TDRD3: variants seen among roughly 807,000 people sequenced by gnomAD.
The protein encoded by TDRD3 is tudor domain-containing protein 3.
In TDRD3, 45 loss-of-function variants were observed where a neutral mutation model predicts 86.7. The observed-to-expected ratio is 0.52, with a 90% CI of 0.41 to 0.67. The LOEUF is 0.67. Ranked by LOEUF, TDRD3 falls within the 30% of genes least tolerant of loss-of-function variation. The pLI is 0.00. For missense variants in TDRD3, 814 were observed against 889.0 expected (o/e 0.92, Z 1.07); for synonymous variants, 298 against 301.7 (o/e 0.99, Z 0.13).
chr13:60,573,225 G>A (rs766357960), intron 13 of TDRD3, among the ~76,000 whole-genome samples: 2 of 152,154 alleles, frequency 1.3e-5, no homozygotes, highest in South Asian at 2.1e-4. Context: ...ATTCAGAGGC[G>A]TTCACAGAAG....
Position 60,569,593 on chromosome 13 carries a change from C to T in TDRD3, c.*9+1943C>T, listed in dbSNP as rs117044455. 3.7e-3 allele frequency among the ~76,000 whole-genome samples: 568 copies of T among 152,134 alleles called. 1 individual carries two copies. The highest frequency in any genetic ancestry group is 5.6e-3 in the Non-Finnish European group (380 of 67,994). On this transcript the variant is annotated intron_variant, in intron 13 of 13. Coordinates refer to ENST00000377881, the MANE Select transcript of TDRD3 (RefSeq NM_001146070.2). ...AAATAATTCTAAAATTTATATGGAA[C>T]CACAAAAGTCCCAGAAAAGCCAAAG...
chr13:60,430,945 C>T (rs533643408), intron 1 of TDRD3, among the ~76,000 whole-genome samples: 11 of 152,002 alleles, frequency 7.2e-5, no homozygotes, highest in African/African-American at 2.4e-4. Context: ...CTTTTTGTAA[C>T]TATTCTACAG....
intron 5 of TDRD3, among the ~76,000 whole-genome samples, chr13:60,481,112 G>T (rs956118559): frequency 6.6e-6 from 1 of 152,042 alleles, no homozygotes; most frequent in Non-Finnish European, 1.5e-5. Flanking sequence ...GGGCAGTGGG[G>T]GCTGCACTGC....
chr13:60,444,789 T>C (rs1955360903), intron 3 of TDRD3, 41 bp downstream of exon 3: 3 of 1,149,936 alleles, frequency 2.6e-6, no homozygotes, highest in Admixed American at 3.0e-5. Flanking sequence ...TTAATTTAGT[T>C]ACAATAAATA....
chr13:60,489,107 C>A (rs1427113263), intron 7 of TDRD3, among the ~76,000 whole-genome samples: 1 of 151,954 alleles, frequency 6.6e-6, no homozygotes, highest in Non-Finnish European at 1.5e-5. Context: ...TTTTTGAGGT[C>A]TTATCCAAAA....
At chr13:60,471,099 T>C (rs1956068706) in intron 5 of TDRD3, among the ~76,000 whole-genome samples, 1 of 152,198 alleles carries the variant, frequency 6.6e-6, no homozygotes, top group African/African-American at 2.4e-5. Flanking sequence ...GCAAATATTT[T>C]TCCCATCCCA....
intron 5 of TDRD3, among the ~76,000 whole-genome samples, chr13:60,469,041 G>A (rs1269712343): frequency 6.6e-6 from 1 of 152,046 alleles, no homozygotes; most frequent in African/African-American, 2.4e-5. Flanking sequence ...AGGACCTTAG[G>A]CACATTTTTA....
chr13:60,520,184 G>T (rs893469301), intron 10 of TDRD3, among the ~76,000 whole-genome samples: 3 of 152,038 alleles, frequency 2.0e-5, no homozygotes, highest in Non-Finnish European at 2.9e-5. Context: ...ATGAGAACAG[G>T]AAAACAATTG....
chr13:60,560,907 G>C (rs1958317119), intron 12 of TDRD3, among the ~76,000 whole-genome samples: 1 of 152,058 alleles, frequency 6.6e-6, no homozygotes, highest in Non-Finnish European at 1.5e-5. Context: ...ATAAGGTTTT[G>C]GATCTGATTT....
At chr13:60,397,064 G>A (rs1415124454), upstream of TDRD3, 4 of 302,680 alleles carry the variant, frequency 1.3e-5, no homozygotes, top group Non-Finnish European at 2.4e-5. Flanking sequence ...TCGGGGAAGA[G>A]GCAAAGTCCC....
chr13:60,451,719 A>G (rs181268503), intron 3 of TDRD3, among the ~76,000 whole-genome samples: 1 of 152,262 alleles, frequency 6.6e-6, no homozygotes, highest in Admixed American at 6.5e-5. Flanking sequence ...TGTATCAACT[A>G]TGTTACCTTC....
At chr13:60,411,486 C>T (rs969574024) in intron 1 of TDRD3, among the ~76,000 whole-genome samples, 3 of 152,082 alleles carry the variant, frequency 2.0e-5, no homozygotes, top group Non-Finnish European at 2.9e-5. Context: ...AGATTAAATA[C>T]GAAACTGGCC....
chr13:60,467,033 A>G (rs1308634014), intron 4 of TDRD3, among the ~76,000 whole-genome samples: 2 of 151,962 alleles, frequency 1.3e-5, no homozygotes, highest in Non-Finnish European at 2.9e-5. Flanking sequence ...CAGATTTGTT[A>G]CATAGGTGAT....
intron 2 of TDRD3, among the ~76,000 whole-genome samples, chr13:60,441,452 T>C (rs1955270143): frequency 6.6e-6 from 1 of 152,196 alleles, no homozygotes; most frequent in African/African-American, 2.4e-5. Flanking sequence ...AATATGTGGT[T>C]AAATACTGCA....
At chr13:60,467,113 T>C (rs1010033725) in intron 4 of TDRD3, 125 bp from the exon 5 acceptor site, 80 of 1,116,584 alleles carry the variant, frequency 7.2e-5, no homozygotes, top group Non-Finnish European at 9.8e-5. Flanking sequence ...GCATTAGCTG[T>C]TTTTCCTAAT....
intron 1 of TDRD3, among the ~76,000 whole-genome samples, chr13:60,433,850 G>C (rs536803099): frequency 6.6e-6 from 1 of 152,186 alleles, no homozygotes; most frequent in African/African-American, 2.4e-5. Context: ...TAGCCAGTGA[G>C]TAAGTTAGAT....
At chr13:60,404,563 G>T (rs1407481947) in intron 1 of TDRD3, among the ~76,000 whole-genome samples, 1 of 151,620 alleles carries the variant, frequency 6.6e-6, no homozygotes, top group East Asian at 2.0e-4. Flanking sequence ...GCCCGCCTCG[G>T]CCTCCCAAAG....
At chr13:60,515,010 C>T (rs1022280237) in intron 10 of TDRD3, among the ~76,000 whole-genome samples, 12 of 152,098 alleles carry the variant, frequency 7.9e-5, no homozygotes, top group African/African-American at 2.9e-4. Flanking sequence ...TACCTCTTGT[C>T]CCAAAGAAGC....
At chr13:60,416,326 A>C (rs1265517401) in intron 1 of TDRD3, among the ~76,000 whole-genome samples, 2 of 152,168 alleles carry the variant, frequency 1.3e-5, no homozygotes, top group African/African-American at 4.8e-5. Flanking sequence ...CAGATTTACA[A>C]AACAGTGATT....
Sources: allele counts gnomAD v4.1 joint callset (sites outside exome capture counted in the v4.1 genomes callset), GRCh38; gene constraint gnomAD v4.1.1; transcripts MANE v1.5; gene names NCBI Gene and HGNC (gene_info 2026-07-23, HGNC 2026-07-21).